RSBN1: variants seen among roughly 807,000 people sequenced by gnomAD.
RSBN1 encodes the protein round spermatid basic protein 1, also known as lysine-specific demethylase 9.
Under a neutral mutation model 74.8 loss-of-function variants are expected in RSBN1, and 23 were observed. The ratio of observed to expected loss-of-function variants is 0.31; its 90% confidence interval spans 0.22 to 0.44. RSBN1 has a LOEUF of 0.44. Ranked by LOEUF, RSBN1 falls within the 20% of genes least tolerant of loss-of-function variation. RSBN1 has a pLI of 1.00. For missense variants in RSBN1, 808 were observed against 1,020.9 expected (o/e 0.79, Z 2.84); for synonymous variants, 407 against 379.6 (o/e 1.07, Z -0.84).
chr1:113,807,076 A>C (rs1486571226), intron 1 of RSBN1, among the ~76,000 whole-genome samples: 1 of 150,438 alleles, frequency 6.6e-6, no homozygotes, highest in Non-Finnish European at 1.5e-5. Context: ...ACTTTGGGAG[A>C]CCAAGGCGGG....
Position 113,777,667 on chromosome 1 carries a change from T to G in RSBN1, c.1515+4A>C. The G allele has an allele frequency of 6.2e-7, 1 of 1,607,254 alleles. No homozygotes were observed. The highest frequency in any genetic ancestry group is 8.5e-7 in the Non-Finnish European group (1 of 1,175,502). On this transcript the variant is annotated splice_donor_region_variant and intron_variant, in intron 3 of 6. Coordinates refer to ENST00000261441, the MANE Select transcript of RSBN1 (RefSeq NM_018364.5). ...AAACTTTAATAATCTTAATTAACAC[T>G]CACTTTCAGAAATGGTGATTCTTCT...
chr1:113,784,166 T>G (rs1276689069), intron 2 of RSBN1, among the ~76,000 whole-genome samples: 1 of 152,126 alleles, frequency 6.6e-6, no homozygotes, highest in Non-Finnish European at 1.5e-5. Context: ...ACAACAGTCT[T>G]CAAATACTTG....
At chr1:113,799,353 C>T (rs374577861) in intron 1 of RSBN1, among the ~76,000 whole-genome samples, 1 of 151,928 alleles carries the variant, frequency 6.6e-6, no homozygotes, top group Non-Finnish European at 1.5e-5. Flanking sequence ...TCTCTTGGGT[C>T]TTATGATCTA....
chr1:113,793,947 G>T (rs1660420197), intron 2 of RSBN1, among the ~76,000 whole-genome samples: 1 of 152,136 alleles, frequency 6.6e-6, no homozygotes, highest in East Asian at 1.9e-4. Context: ...GATTACAGAT[G>T]TGAGACACCA....
In RSBN1 at chr1:113,762,215, ATAG is replaced by A. The variant is rs1659691822; in HGVS notation, c.*3762_*3764del. ...ATTACATGAAAATTTACAACATGTG[ATAG>A]TAGTACATAAGTATTTCTTTAGAGA... is the stretch of plus-strand genomic sequence containing the variant. On this transcript the variant is annotated 3_prime_UTR_variant, in exon 7 of 7. Coordinates refer to ENST00000261441, the MANE Select transcript of RSBN1 (RefSeq NM_018364.5). The A allele has an allele frequency of 6.5e-6, 1 of 152,812 alleles. No homozygotes were observed. Among genetic ancestry groups the A allele is most frequent in the Non-Finnish European group, 1.5e-5 (1 of 68,042 alleles). The allele number at this position is 152,812 out of a possible 1,614,324, so 9.5% of individuals were successfully genotyped here. A position where few individuals can be genotyped will look rare whatever the true frequency, so the allele number is the denominator to read the frequency against.
At chr1:113,807,577 C>G (rs887172592) in intron 1 of RSBN1, among the ~76,000 whole-genome samples, 7 of 151,452 alleles carry the variant, frequency 4.6e-5, no homozygotes, top group Non-Finnish European at 7.4e-5. Context: ...CTGGCCAACA[C>G]AGTGAAACCC....
intron 2 of RSBN1, among the ~76,000 whole-genome samples, chr1:113,788,286 G>C (rs1209898689): frequency 6.6e-6 from 1 of 151,972 alleles, no homozygotes; most frequent in African/African-American, 2.4e-5. Flanking sequence ...CGATAACTGA[G>C]AAAGAAAATT....
chr1:113,778,644 T>A (rs1026098279), intron 2 of RSBN1, among the ~76,000 whole-genome samples: 2 of 152,000 alleles, frequency 1.3e-5, no homozygotes, highest in African/African-American at 4.8e-5. Context: ...TATTTCTACC[T>A]CCAGTGATTT....
intron 1 of RSBN1, among the ~76,000 whole-genome samples, chr1:113,805,794 G>A (rs1660688051): frequency 6.6e-6 from 1 of 152,208 alleles, no homozygotes; most frequent in African/African-American, 2.4e-5. Context: ...CTGTTGAACT[G>A]CTGTGCAGGA....
chr1:113,808,997 A>T (rs1660774850), intron 1 of RSBN1, among the ~76,000 whole-genome samples: 1 of 152,192 alleles, frequency 6.6e-6, no homozygotes, highest in African/African-American at 2.4e-5. Flanking sequence ...GAAACTGGTA[A>T]AAGGTAAGGA....
At chr1:113,784,949 A>T (rs1320258666) in intron 2 of RSBN1, among the ~76,000 whole-genome samples, 3 of 152,220 alleles carry the variant, frequency 2.0e-5, no homozygotes, top group Non-Finnish European at 4.4e-5. Flanking sequence ...ACTGATTTTT[A>T]AAATTTTTCT....
chr1:113,812,386 G>A lies in RSBN1; in HGVS notation c.27C>T (p.Ala9=). 1 of 1,601,424 alleles carries A rather than the reference G, an allele frequency of 6.2e-7. No individual in the cohort carries two copies. The highest frequency in any genetic ancestry group is 8.5e-7 in the Non-Finnish European group (1 of 1,178,940). ...GTCTCTCCTCCGCCCTCCACTTGTC[G>A]GCCGTTCTTCGTCCAGAGATGAACA... MFISGRRT[A]DKWRAEERLQ... Residue 9 remains alanine (A), a synonymous_variant, in exon 1 of 7, where the codon GCC becomes GCT. Coordinates refer to ENST00000261441, the MANE Select transcript of RSBN1 (RefSeq NM_018364.5).
At chr1:113,811,560 G>A (rs1430160956) in intron 1 of RSBN1, 150 bp downstream of exon 1, 1 of 1,309,748 alleles carries the variant, frequency 7.6e-7, no homozygotes, top group African/African-American at 1.5e-5. Flanking sequence ...CCGTGTCAAC[G>A]ATCTGAAATC....
At position 113,762,072 on chromosome 1, in the gene RSBN1, T is replaced by C. The variant is rs768718695; in HGVS notation, c.*3908A>G. 6.6e-6 allele frequency: 1 copy of C among 152,592 alleles called. No homozygotes were observed. Among genetic ancestry groups the C allele is most frequent in the South Asian group, 2.1e-4 (1 of 4,828 alleles). The allele number at this position is 152,592 out of a possible 1,614,324, so 9.5% of individuals were successfully genotyped here. ...ACAAACTAAGGCCACACAACGCAAA[T>C]AGTCCGCCAGGCAAATATACATTTC... On this transcript the variant is annotated 3_prime_UTR_variant, in exon 7 of 7. Transcript: ENST00000261441.
intron 4 of RSBN1, among the ~76,000 whole-genome samples, chr1:113,773,263 G>A (rs1659916193): frequency 2.0e-5 from 3 of 152,176 alleles, no homozygotes; most frequent in South Asian, 4.1e-4. Context: ...GGTGGCTCAC[G>A]CCTGAAATCC....
chr1:113,785,081 C>T (rs1660211704), intron 2 of RSBN1, among the ~76,000 whole-genome samples: 1 of 151,980 alleles, frequency 6.6e-6, no homozygotes, highest in South Asian at 2.1e-4. Context: ...TACAAAAATA[C>T]TTTCTTTACG....
chr1:113,797,750 G>A lies in RSBN1; in HGVS notation c.990C>T (p.Pro330=), dbSNP rs1331298700. The change falls in exon 2 of 7, where the codon CCC becomes CCT. Residue 330 remains proline (P), a synonymous_variant. Coordinates refer to ENST00000261441, the MANE Select transcript of RSBN1 (RefSeq NM_018364.5). ...LNLGMQEYRV[P]QGVQTPFMTH... Reference sequence around the variant, plus strand: ...TCATAAAAGGTGTTTGTACTCCCTGGGGTACCCGATATTCTTGCATACCCA... The same window carrying A: ...TCATAAAAGGTGTTTGTACTCCCTGAGGTACCCGATATTCTTGCATACCCA... The A allele has an allele frequency of 6.2e-6, 10 of 1,614,018 alleles. No homozygotes were observed. The highest frequency in any genetic ancestry group is 8.5e-6 in the Non-Finnish European group (10 of 1,179,980).
chr1:113,801,285 A>G (rs2101822530), intron 1 of RSBN1, among the ~76,000 whole-genome samples: 1 of 152,304 alleles, frequency 6.6e-6, no homozygotes, highest in South Asian at 2.1e-4. Context: ...GCCCGGCCTC[A>G]GCTTTTGACT....
intron 5 of RSBN1, among the ~76,000 whole-genome samples, chr1:113,767,590 C>G (rs949078533): frequency 6.6e-6 from 1 of 152,112 alleles, no homozygotes; most frequent in African/African-American, 2.4e-5. Flanking sequence ...ACAAATAGAA[C>G]TACCATATAA....
Sources: gnomAD v4.1 joint callset for allele counts (sites outside exome capture counted in the v4.1 genomes callset) on GRCh38, gnomAD v4.1.1 for gene constraint, MANE v1.5 for transcripts, NCBI Gene and HGNC (gene_info 2026-07-23, HGNC 2026-07-21) for gene names.